ABI1: variants seen among roughly 807,000 people sequenced by gnomAD.
ABI1 encodes the protein abl interactor 1, also known as Abelson interactor 1.
In ABI1, 14 loss-of-function variants were observed where a neutral mutation model predicts 54.6. The ratio of observed to expected loss-of-function variants is 0.26; its 90% CI spans 0.17 to 0.40. The LOEUF (loss-of-function observed/expected upper bound fraction) is 0.40. Ranked by LOEUF, ABI1 falls within the 10% of genes least tolerant of loss-of-function variation. The probability of loss-of-function intolerance (pLI) is 1.00; values close to 1 mark genes in which losing one functional copy is unlikely to be tolerated. For synonymous variants in ABI1, 194 were observed against 209.3 expected, an observed-to-expected ratio of 0.93 and a Z score of 0.63; for missense variants, 443 against 598.3, an observed-to-expected ratio of 0.74 and a Z score of 2.71.
intron 2 of ABI1, among the ~76,000 whole-genome samples, chr10:26,788,532 T>G (rs981633173): frequency 1.3e-5 from 2 of 152,214 alleles, no homozygotes; most frequent in African/African-American, 4.8e-5. Context: ...ATATGATGAA[T>G]GTGATTTAGG....
rs1396857931 is a variant in ABI1, at chr10:26,829,225, C to CA, written c.118-5921dup. Reference sequence around the variant, plus strand: ...TAGGTGACAGAGCGAGATTCTGTCTCAAAAAAAAAAAAAAAGCACCAGTTT... The same window carrying CA: ...TAGGTGACAGAGCGAGATTCTGTCTCAAAAAAAAAAAAAAAAGCACCAGTTT... On this transcript the variant is annotated intron_variant, in intron 1 of 10. Coordinates refer to ENST00000376140, the MANE Select transcript of ABI1 (RefSeq NM_001012750.3). Among the ~76,000 whole-genome samples the CA allele has an allele frequency of 5.8e-3, 497 of 86,424 alleles. 1 individual carries two copies. Among genetic ancestry groups the CA allele is most frequent in the African/African-American group, 0.015 (349 of 22,936 alleles). 56.7% of individuals were successfully genotyped at this position (86,424 alleles called of 152,430 possible).
At chr10:26,857,686 C>G in intron 1 of ABI1, among the ~76,000 whole-genome samples, 1 of 147,884 alleles carries the variant, frequency 6.8e-6, no homozygotes, top group Non-Finnish European at 1.5e-5. Context: ...GTATTATTTA[C>G]CCCATGGCAA....
At chr10:26,839,703 T>C in intron 1 of ABI1, 1 of 689,556 alleles carries the variant, frequency 1.5e-6, no homozygotes, top group South Asian at 1.5e-5. Flanking sequence ...GTAATCCCAA[T>C]GCGTTGGGAG....
chr10:26,784,707 A>G (rs1842523547), intron 2 of ABI1, among the ~76,000 whole-genome samples: 1 of 152,236 alleles, frequency 6.6e-6, no homozygotes, highest in Non-Finnish European at 1.5e-5. Context: ...AATCACTATA[A>G]TGGGAGTCAT....
chr10:26,767,322 T>C (rs1265506213), intron 6 of ABI1, among the ~76,000 whole-genome samples: 1 of 152,208 alleles, frequency 6.6e-6, no homozygotes, highest in African/African-American at 2.4e-5. Context: ...TTACCTAGCA[T>C]CTCGCATCTT....
intron 2 of ABI1, among the ~76,000 whole-genome samples, chr10:26,797,739 C>T (rs940321440): frequency 1.2e-4 from 18 of 151,986 alleles, no homozygotes; most frequent in African/African-American, 3.9e-4. Context: ...CATGGCTTGT[C>T]GATATCAGAG....
At chr10:26,816,513 G>A (rs1425374561) in intron 2 of ABI1, among the ~76,000 whole-genome samples, 2 of 152,188 alleles carry the variant, frequency 1.3e-5, no homozygotes, top group East Asian at 3.8e-4. Flanking sequence ...AATGTTGAGA[G>A]GAGCTGATCC....
Position 26,760,133 on chromosome 10 carries a change from G to A in ABI1, c.821-895C>T, listed in dbSNP as rs947130202. ...TCATATATTTTCATCAGTTAATATC[G>A]AAACTGATGAAAATATTAATACTTA... On this transcript the variant is annotated intron_variant, in intron 7 of 10. Transcript: ENST00000376140. Among the ~76,000 whole-genome samples, 13 of 148,886 alleles carry A rather than the reference G, an allele frequency of 8.7e-5. No homozygotes were observed. In the South Asian group the frequency reaches 1.7e-3, roughly 20 times the overall value.
chr10:26,774,047 C>T (rs1340697892), intron 3 of ABI1, among the ~76,000 whole-genome samples: 2 of 152,094 alleles, frequency 1.3e-5, no homozygotes. Flanking sequence ...GTTCCAGGAC[C>T]CCCATGGATA....
chr10:26,759,444 T>C (rs964561211), intron 7 of ABI1, among the ~76,000 whole-genome samples: 2 of 152,146 alleles, frequency 1.3e-5, no homozygotes, highest in Non-Finnish European at 2.9e-5. Flanking sequence ...AACAGCTGCA[T>C]GGAAAGCTGC....
intron 2 of ABI1, among the ~76,000 whole-genome samples, chr10:26,786,504 GC>G (rs1842750748): frequency 6.6e-6 from 1 of 151,772 alleles, no homozygotes; most frequent in African/African-American, 2.4e-5. Context: ...ACAGGCATGA[GC>G]CACCATGCCC....
At chr10:26,837,764 G>A (rs1468868401) in intron 1 of ABI1, among the ~76,000 whole-genome samples, 3 of 151,312 alleles carry the variant, frequency 2.0e-5, no homozygotes, top group Non-Finnish European at 4.4e-5. Context: ...ACAGGTGGGT[G>A]CCACCACACC....
At chr10:26,761,661 T>TATATATAC (rs1375832167) in intron 7 of ABI1, among the ~76,000 whole-genome samples, 97 of 78,856 alleles carry the variant, frequency 1.2e-3, no homozygotes, top group South Asian at 3.0e-3. Flanking sequence ...TATATATATA[T>TATATATAC]ACACACACAC....
intron 6 of ABI1, among the ~76,000 whole-genome samples, chr10:26,766,915 A>G (rs1248389305): frequency 1.3e-5 from 2 of 152,214 alleles, no homozygotes; most frequent in African/African-American, 4.8e-5. Context: ...AGCCACATTC[A>G]TTTACGTATT....
chr10:26,805,983 C>A (rs2046850064), intron 2 of ABI1, among the ~76,000 whole-genome samples: 1 of 152,074 alleles, frequency 6.6e-6, no homozygotes, highest in African/African-American at 2.4e-5. Flanking sequence ...AGAAATCATA[C>A]CCTACATTCT....
Position 26,747,144 on chromosome 10 carries a change from C to CTGT in ABI1, c.*1423_*1425dup, listed in dbSNP as rs1410355720. On this transcript the variant is annotated 3_prime_UTR_variant, in exon 11 of 11. Coordinates refer to ENST00000376140, the MANE Select transcript of ABI1 (RefSeq NM_001012750.3). ...TGCACTAGTCTTACCATTCACTATG[C>CTGT]TGTTATAAGTCTGTAGCATCCAGTA... The CTGT allele has an allele frequency of 3.1e-5, 7 of 227,036 alleles. No individual in the cohort carries two copies. The highest frequency in any genetic ancestry group is 2.2e-4 in the Admixed American group (4 of 18,236). The allele number at this position is 227,036 out of a possible 1,614,324, so 14.1% of individuals were successfully genotyped here.
intron 1 of ABI1, among the ~76,000 whole-genome samples, chr10:26,856,242 C>T (rs922501792): frequency 1.3e-5 from 2 of 149,792 alleles, no homozygotes; most frequent in African/African-American, 4.9e-5. Context: ...CACTGCACTC[C>T]AGCCTGGGTG....
intron 1 of ABI1, among the ~76,000 whole-genome samples, chr10:26,857,940 G>C (rs765953634): frequency 6.6e-6 from 1 of 151,764 alleles, no homozygotes; most frequent in Non-Finnish European, 1.5e-5. Context: ...CAACCTACTA[G>C]TTAAAAGTCA....
At chr10:26,771,122 T>G (rs1588821837) in intron 3 of ABI1, 33 bp from the exon 4 acceptor site, 1 of 1,612,004 alleles carries the variant, frequency 6.2e-7, no homozygotes, top group Non-Finnish European at 8.5e-7. Context: ...GGGGAAAAAG[T>G]AGACATTAAT....
Sources: gnomAD v4.1 joint callset for allele counts (sites outside exome capture counted in the v4.1 genomes callset) on GRCh38, gnomAD v4.1.1 for gene constraint, MANE v1.5 for transcripts, NCBI Gene and HGNC (gene_info 2026-07-23, HGNC 2026-07-21) for gene names.